Variants in GALNTL6 observed in about 807,000 individuals in gnomAD.
GALNTL6 encodes polypeptide N-acetylgalactosaminyltransferase-like 6.
In GALNTL6, 46 loss-of-function variants were observed where a neutral mutation model predicts 73.7. The ratio of observed to expected loss-of-function variants is 0.62; its 90% CI spans 0.49 to 0.80. The LOEUF (loss-of-function observed/expected upper bound fraction) is 0.80. Among genes scored for constraint, GALNTL6 ranks in the 30% least tolerant of loss-of-function variants. The pLI, the probability that GALNTL6 is intolerant of heterozygous loss-of-function variation, is 0.00. For synonymous variants in GALNTL6, 259 were observed against 263.7 expected, an observed-to-expected ratio of 0.98 and a Z score of 0.17; for missense variants, 604 against 755.0, an observed-to-expected ratio of 0.80 and a Z score of 2.34.
intron 5 of GALNTL6, among the ~76,000 whole-genome samples, chr4:172,461,711 T>C (rs1732626264): frequency 6.6e-6 from 1 of 152,242 alleles, no homozygotes; most frequent in Admixed American, 6.5e-5. Flanking sequence ...TTGAATGTTT[T>C]TGCTTATAAG....
intron 5 of GALNTL6, among the ~76,000 whole-genome samples, chr4:172,443,779 C>A (rs1731922858): frequency 6.6e-6 from 1 of 152,090 alleles, no homozygotes; most frequent in African/African-American, 2.4e-5. Context: ...GTTTATCTTT[C>A]AACACAGAAA....
At chr4:172,104,146 C>G (rs1262639972) in intron 2 of GALNTL6, among the ~76,000 whole-genome samples, 2 of 152,020 alleles carry the variant, frequency 1.3e-5, no homozygotes, top group Non-Finnish European at 2.9e-5. Flanking sequence ...GGGTTTCACC[C>G]TGTTACCAGG....
rs3081370 is a variant in GALNTL6 at position 171,983,464 on chromosome 4, T to TTTTATTTATTTA, written c.138+168778_138+168789dup. Among the ~76,000 whole-genome samples, 166 of 141,156 alleles carry TTTTATTTATTTA rather than the reference T, an allele frequency of 1.2e-3. 1 individual carries two copies. The highest frequency in any genetic ancestry group is 3.5e-3 in the Middle Eastern group (1 of 288). 92.6% of individuals were successfully genotyped at this position (141,156 alleles called of 152,430 possible). A position where few individuals can be genotyped will look rare whatever the true frequency, so the allele number is the denominator to read the frequency against. The stretch of plus-strand genomic sequence containing the variant: ...AAGGCCAGCTTCAGAGGCATCTTGA[T>TTTTATTTATTTA]TTTATTTATTTATTTATTTATTTAT... On this transcript the variant is annotated intron_variant, in intron 2 of 12. Transcript: ENST00000506823.
Position 173,032,476 on chromosome 4 carries a change from C to T in GALNTL6, c.1639-7457C>T, listed in dbSNP as rs117867972. On this transcript the variant is annotated intron_variant, in intron 12 of 12. Coordinates refer to ENST00000506823, the MANE Select transcript of GALNTL6 (RefSeq NM_001034845.3). ...AAAAAAAAAAAAAAAAAGTTATATA[C>T]GGTCAGACATCCCAGCCTGGGCAAC... 6.6e-4 allele frequency among the ~76,000 whole-genome samples: 99 copies of T among 151,034 alleles called. No homozygotes were observed. The East Asian group carries it at 0.014, about 21-fold the overall frequency.
intron 5 of GALNTL6, among the ~76,000 whole-genome samples, chr4:172,638,743 G>A (rs949766657): frequency 1.3e-5 from 2 of 152,086 alleles, no homozygotes; most frequent in African/African-American, 2.4e-5. Flanking sequence ...CAAATTTCAT[G>A]AGTTGTCTCA....
chr4:172,915,882 C>T (rs1747477945), intron 8 of GALNTL6, among the ~76,000 whole-genome samples: 1 of 152,132 alleles, frequency 6.6e-6, no homozygotes, highest in Non-Finnish European at 1.5e-5. Context: ...GGGAATCTTC[C>T]CTAACTCATT....
At chr4:172,297,737 A>C (rs972116642) in intron 3 of GALNTL6, among the ~76,000 whole-genome samples, 2 of 152,002 alleles carry the variant, frequency 1.3e-5, no homozygotes, top group African/African-American at 2.4e-5. Flanking sequence ...CAGTACCATG[A>C]TGTTTTGGTT....
At chr4:172,733,105 A>C (rs1736249381) in intron 5 of GALNTL6, among the ~76,000 whole-genome samples, 1 of 152,228 alleles carries the variant, frequency 6.6e-6, no homozygotes. Flanking sequence ...CATTTCTTGC[A>C]AAACGGGTCT....
At chr4:172,091,706 A>G (rs1400218252) in intron 2 of GALNTL6, among the ~76,000 whole-genome samples, 2 of 152,200 alleles carry the variant, frequency 1.3e-5, no homozygotes, top group Non-Finnish European at 2.9e-5. Context: ...TTTCCATGAA[A>G]TAAGAATACT....
At chr4:172,057,514 G>C (rs1047469882) in intron 2 of GALNTL6, among the ~76,000 whole-genome samples, 1 of 143,160 alleles carries the variant, frequency 7.0e-6, no homozygotes, top group Non-Finnish European at 1.5e-5. Flanking sequence ...CATAGTGAGA[G>C]CTTGTCTCTA....
At chr4:172,973,313 A>G (rs987520639) in intron 10 of GALNTL6, among the ~76,000 whole-genome samples, 6 of 152,228 alleles carry the variant, frequency 3.9e-5, no homozygotes, top group Admixed American at 6.5e-5. Flanking sequence ...AAGCCAGGAA[A>G]TCAAGAACCA....
chr4:172,248,639 T>G (rs1199290502), intron 3 of GALNTL6, among the ~76,000 whole-genome samples: 1 of 152,138 alleles, frequency 6.6e-6, no homozygotes, highest in Non-Finnish European at 1.5e-5. Context: ...TCATCTTGAA[T>G]TGTAGTTCCC....
At chr4:171,968,369 T>A (rs1408970352) in intron 2 of GALNTL6, among the ~76,000 whole-genome samples, 1 of 152,178 alleles carries the variant, frequency 6.6e-6, no homozygotes, top group African/African-American at 2.4e-5. Flanking sequence ...GTCTCTGTCC[T>A]AGTTTCTGGT....
chr4:172,577,926 A>C (rs1427888908), intron 5 of GALNTL6, among the ~76,000 whole-genome samples: 1 of 152,224 alleles, frequency 6.6e-6, no homozygotes, highest in East Asian at 1.9e-4. Context: ...AGCCTATCAC[A>C]GGCAATACAC....
intron 2 of GALNTL6, among the ~76,000 whole-genome samples, chr4:171,942,760 T>C (rs999500740): frequency 6.6e-6 from 1 of 152,224 alleles, no homozygotes; most frequent in African/African-American, 2.4e-5. Context: ...GCAGACAAGA[T>C]ATAGAATTAT....
chr4:171,905,210 A>C (rs1737237589), intron 2 of GALNTL6, among the ~76,000 whole-genome samples: 1 of 151,652 alleles, frequency 6.6e-6, no homozygotes, highest in Non-Finnish European at 1.5e-5. Flanking sequence ...AAATTGGATA[A>C]AGAGTCAAGA....
At chr4:172,056,424 ACTCT>A (rs1175491270) in intron 2 of GALNTL6, among the ~76,000 whole-genome samples, 1 of 151,844 alleles carries the variant, frequency 6.6e-6, no homozygotes, top group African/African-American at 2.4e-5. Context: ...GCTACAAACA[ACTCT>A]CTCCTGAGAA....
At chr4:173,027,588 A>T (rs1753285960) in intron 12 of GALNTL6, among the ~76,000 whole-genome samples, 1 of 152,204 alleles carries the variant, frequency 6.6e-6, no homozygotes, top group African/African-American at 2.4e-5. Flanking sequence ...AAAACCCACA[A>T]CTACCATCAC....
At position 173,034,841 on chromosome 4, in the gene GALNTL6, C is replaced by A. The variant is rs1753618895; in HGVS notation, c.1639-5092C>A. 2.0e-5 allele frequency among the ~76,000 whole-genome samples: 3 copies of A among 152,166 alleles called. No homozygotes were observed. The South Asian group carries it at 6.2e-4, about 31-fold the overall frequency. On this transcript the variant is annotated intron_variant, in intron 12 of 12. Coordinates refer to ENST00000506823, the MANE Select transcript of GALNTL6 (RefSeq NM_001034845.3). ...CTGTGCCCCCACTGCCCCAACCTCA[C>A]CCCTACCTCTGGAAAAGAAGCTCCA...
Sources: gnomAD v4.1 joint callset for allele counts (sites outside exome capture counted in the v4.1 genomes callset) on GRCh38, gnomAD v4.1.1 for gene constraint, MANE v1.5 for transcripts, NCBI Gene and HGNC (gene_info 2026-07-23, HGNC 2026-07-21) for gene names.